The following MAGI2 variants were observed in gnomAD, a reference collection of about 807,000 sequenced individuals.
MAGI2 encodes membrane-associated guanylate kinase, WW and PDZ domain-containing protein 2.
A neutral mutation model predicts 133.3 loss-of-function variants in MAGI2; 35 were observed. That is an observed-to-expected ratio of 0.26 (90% CI 0.20 to 0.35). MAGI2 has a LOEUF of 0.35. Among genes scored for constraint, MAGI2 ranks in the 10% least tolerant of loss-of-function variants. The pLI, the probability that MAGI2 is intolerant of heterozygous loss-of-function variation, is 1.00. For synonymous variants in MAGI2, 729 were observed against 710.6 expected (o/e 1.03, Z -0.41); for missense variants, 1,636 against 1,863.4 (o/e 0.88, Z 2.25).
rs1305767680 is a variant in MAGI2 at position 78,018,698 on chromosome 7, C to A, written c.*617G>T. Reference sequence around the variant, plus strand: ...CTCACTAGATTTCTAAGTCATCCTGCAGGAGGCAGGGAACGCTGCTGCTAA... The same window carrying A: ...CTCACTAGATTTCTAAGTCATCCTGAAGGAGGCAGGGAACGCTGCTGCTAA... On this transcript the variant is annotated 3_prime_UTR_variant, in exon 22 of 22. Transcript: ENST00000354212. 1.3e-5 allele frequency: 2 copies of A among 154,112 alleles called. No homozygotes were observed. The highest frequency in any genetic ancestry group is 4.8e-5 in the African/African-American group (2 of 41,518). The allele number at this position is 154,112 out of a possible 1,614,324, so 9.5% of individuals were successfully genotyped here.
At chr7:78,497,769 T>C (rs934790065) in intron 5 of MAGI2, among the ~76,000 whole-genome samples, 1 of 151,338 alleles carries the variant, frequency 6.6e-6, no homozygotes, top group African/African-American at 2.4e-5. Flanking sequence ...TCTATCTTTC[T>C]ATCTTATACA....
chr7:78,446,400 TGA>T (rs1208777404), intron 6 of MAGI2, among the ~76,000 whole-genome samples: 1 of 151,938 alleles, frequency 6.6e-6, no homozygotes, highest in African/African-American at 2.4e-5. Context: ...CATATAAAAA[TGA>T]GAGAGAGAGG....
Position 78,741,607 on chromosome 7 carries a change from A to G in MAGI2, c.419-114368T>C, listed in dbSNP as rs114032593. On this transcript the variant is annotated intron_variant, in intron 2 of 21. Coordinates refer to ENST00000354212, the MANE Select transcript of MAGI2 (RefSeq NM_012301.4). ...CATTTCACTGTTAATAATAAATAGT[A>G]CAGTACCTTGTTCAGCAGTGAGGCT... Among the ~76,000 whole-genome samples, 1,236 of 152,260 alleles carry G rather than the reference A, an allele frequency of 8.1e-3. 25 individuals carry two copies. The highest frequency in any genetic ancestry group is 0.028 in the African/African-American group (1,173 of 41,556).
At chr7:78,634,436 A>G (rs1809407684) in intron 2 of MAGI2, among the ~76,000 whole-genome samples, 1 of 152,216 alleles carries the variant, frequency 6.6e-6, no homozygotes, top group Non-Finnish European at 1.5e-5. Flanking sequence ...AAGAAAGGAT[A>G]TTAGTTGATG....
chr7:79,006,892 T>C (rs764934006), intron 2 of MAGI2, 198 bp downstream of exon 2: 7 of 437,886 alleles, frequency 1.6e-5, no homozygotes, highest in Non-Finnish European at 2.8e-5. Context: ...AAGTTTCTTC[T>C]GGCTACAACT....
At chr7:79,311,472 A>T (rs1002186894) in intron 1 of MAGI2, among the ~76,000 whole-genome samples, 1 of 152,036 alleles carries the variant, frequency 6.6e-6, no homozygotes, top group African/African-American at 2.4e-5. Context: ...CTCCAGATTC[A>T]ATATCCCCCT....
At chr7:78,772,495 C>T (rs1460641215) in intron 2 of MAGI2, among the ~76,000 whole-genome samples, 1 of 152,162 alleles carries the variant, frequency 6.6e-6, no homozygotes, top group African/African-American at 2.4e-5. Context: ...TTATCCTTGC[C>T]ACAAAAGATA....
At chr7:79,402,518 G>A (rs1845536686) in intron 1 of MAGI2, among the ~76,000 whole-genome samples, 1 of 152,126 alleles carries the variant, frequency 6.6e-6, no homozygotes, top group African/African-American at 2.4e-5. Flanking sequence ...GAAGCTCAGA[G>A]AGGGTAAGGT....
chr7:78,517,562 T>C (rs530844298), intron 4 of MAGI2, among the ~76,000 whole-genome samples: 1 of 152,312 alleles, frequency 6.6e-6, no homozygotes, highest in East Asian at 1.9e-4. Context: ...AGAGATAATA[T>C]ATGTATTATA....
chr7:78,023,861 G>A (rs542439780), intron 21 of MAGI2, among the ~76,000 whole-genome samples: 2 of 152,256 alleles, frequency 1.3e-5, no homozygotes, highest in East Asian at 1.9e-4. Context: ...ACAATACAAC[G>A]ATTAAAGGTA....
At chr7:78,897,614 G>A (rs1177615086) in intron 2 of MAGI2, among the ~76,000 whole-genome samples, 2 of 152,108 alleles carry the variant, frequency 1.3e-5, no homozygotes, top group Non-Finnish European at 2.9e-5. Flanking sequence ...GGCTATCTGG[G>A]CTACTTTTTG....
At chr7:78,301,492 A>C (rs1419281677) in intron 9 of MAGI2, among the ~76,000 whole-genome samples, 3 of 152,158 alleles carry the variant, frequency 2.0e-5, no homozygotes, top group African/African-American at 7.2e-5. Context: ...GAACCACTTA[A>C]AGACTTACAG....
At chr7:78,224,239 ATTTTC>A (rs1324205441) in intron 10 of MAGI2, among the ~76,000 whole-genome samples, 4 of 152,032 alleles carry the variant, frequency 2.6e-5, no homozygotes, top group African/African-American at 9.7e-5. Context: ...TATTTATTTT[ATTTTC>A]TTTAGGATGA....
intron 2 of MAGI2, among the ~76,000 whole-genome samples, chr7:78,843,346 C>A (rs1792309470): frequency 1.3e-5 from 2 of 151,940 alleles, no homozygotes; most frequent in African/African-American, 4.8e-5. Flanking sequence ...GATCTGTTGT[C>A]TTTATGTGTC....
At chr7:79,046,318 G>C (rs940245011) in intron 1 of MAGI2, among the ~76,000 whole-genome samples, 2 of 152,140 alleles carry the variant, frequency 1.3e-5, no homozygotes, top group African/African-American at 2.4e-5. Flanking sequence ...CACACACACA[G>C]AGGGAAAACC....
chr7:78,912,542 A>G (rs1183908103), intron 2 of MAGI2, among the ~76,000 whole-genome samples: 1 of 151,764 alleles, frequency 6.6e-6, no homozygotes, highest in African/African-American at 2.4e-5. Flanking sequence ...GAAAAGAGAG[A>G]TTGGCTTAGC....
intron 6 of MAGI2, among the ~76,000 whole-genome samples, chr7:78,377,199 C>T (rs1794521438): frequency 6.6e-6 from 1 of 152,088 alleles, no homozygotes; most frequent in Non-Finnish European, 1.5e-5. Flanking sequence ...CCATAACCTA[C>T]ACCTACAACA....
At chr7:78,659,424 C>CAAAAAAAAAAAAAAAAAAAAA (rs71085553) in intron 2 of MAGI2, among the ~76,000 whole-genome samples, 5 of 23,680 alleles carry the variant, frequency 2.1e-4, no homozygotes, top group African/African-American at 5.5e-4. Context: ...GACTTCATCT[C>CAAAAAAAAAAAAAAAAAAAAA]AAAAAAAAAA....
At chr7:79,022,389 G>A (rs1306646378) in intron 1 of MAGI2, among the ~76,000 whole-genome samples, 4 of 152,016 alleles carry the variant, frequency 2.6e-5, no homozygotes, top group Non-Finnish European at 5.9e-5. Context: ...GATAAGAGGG[G>A]AGTTTATAGT....
Sources: allele counts gnomAD v4.1 joint callset (sites outside exome capture counted in the v4.1 genomes callset), GRCh38; gene constraint gnomAD v4.1.1; transcripts MANE v1.5; gene names NCBI Gene and HGNC (gene_info 2026-07-23, HGNC 2026-07-21).